RBKS: variants seen among roughly 807,000 people sequenced by gnomAD.
RBKS encodes ribokinase.
A neutral mutation model predicts 33.9 loss-of-function variants in RBKS; 33 were observed. That is an observed-to-expected ratio of 0.97 (90% CI 0.74 to 1.30). The LOEUF is 1.30. Among genes scored for constraint, RBKS ranks in the 50% most tolerant of loss-of-function variants. The pLI is 0.00. For synonymous variants in RBKS, 125 were observed against 143.0 expected (o/e 0.87, Z 0.90); for missense variants, 361 against 392.6 (o/e 0.92, Z 0.68).
At chr2:27,793,037 C>T (rs1310209760) in intron 7 of RBKS, among the ~76,000 whole-genome samples, 1 of 152,134 alleles carries the variant, frequency 6.6e-6, no homozygotes, top group Non-Finnish European at 1.5e-5. Context: ...GTTGACTCAT[C>T]CACAAAATGC....
intron 6 of RBKS, among the ~76,000 whole-genome samples, chr2:27,831,078 T>C (rs1248725490): frequency 3.7e-4 from 56 of 152,170 alleles, no homozygotes; most frequent in Admixed American, 3.7e-3. Flanking sequence ...AGCCTTTGCG[T>C]CTTCCAACTG....
At chr2:27,888,236 T>C (rs781304117) in intron 1 of RBKS, among the ~76,000 whole-genome samples, 15 of 152,112 alleles carry the variant, frequency 9.9e-5, no homozygotes, top group Non-Finnish European at 1.9e-4. Flanking sequence ...CAAGCAATTC[T>C]CCTGCCTCAG....
chr2:27,885,164 CAT>C (rs1664503257), intron 1 of RBKS, among the ~76,000 whole-genome samples: 1 of 152,114 alleles, frequency 6.6e-6, no homozygotes, highest in East Asian at 1.9e-4. Flanking sequence ...TCTGCGTTTT[CAT>C]AGAGGTCAAC....
At chr2:27,847,433 T>C (rs999979484) in intron 3 of RBKS, among the ~76,000 whole-genome samples, 1 of 152,236 alleles carries the variant, frequency 6.6e-6, no homozygotes, top group Non-Finnish European at 1.5e-5. Flanking sequence ...TTGAAAGGAA[T>C]GTCAGAGTTG....
chr2:27,836,033 C>G (rs11885959), intron 5 of RBKS, among the ~76,000 whole-genome samples: 51,636 of 151,600 alleles, frequency 0.34, 10,569 homozygotes, highest in East Asian at 0.63. Context: ...GGCCAACATG[C>G]TGAAACCCCG....
intron 1 of RBKS, chr2:27,889,892 C>T: frequency 4.6e-6 from 1 of 219,226 alleles, no homozygotes; most frequent in Non-Finnish European, 9.0e-6. Flanking sequence ...GGCACATTCT[C>T]GGAGGTAAAA....
chr2:27,855,371 G>T (rs1014491633), intron 2 of RBKS, among the ~76,000 whole-genome samples: 3 of 152,194 alleles, frequency 2.0e-5, no homozygotes, highest in Non-Finnish European at 4.4e-5. Flanking sequence ...GGTCATTTGG[G>T]TTCATACCTG....
chr2:27,789,949 G>GTGTA lies in RBKS; in HGVS notation c.796-8162_796-8161insTACA, dbSNP rs1553374159. On this transcript the variant is annotated intron_variant, in intron 7 of 7. Transcript: ENST00000302188. ...TGTATATATATATATATGTATATGTGTATATATATATATATATATATATGT... is the reference window on the plus strand; with the variant it reads ...TGTATATATATATATATGTATATGTGTGTATATATATATATATATATATATATGT... Among the ~76,000 whole-genome samples, 184 of 121,514 alleles carry GTGTA rather than the reference G, an allele frequency of 1.5e-3. 1 individual carries two copies. Among genetic ancestry groups the GTGTA allele is most frequent in the East Asian group, 6.9e-3 (29 of 4,186 alleles). 79.7% of individuals were successfully genotyped at this position (121,514 alleles called of 152,430 possible). A position where few individuals can be genotyped will look rare whatever the true frequency, so the allele number is the denominator to read the frequency against.
At chr2:27,782,573 C>G (rs545419369) in intron 7 of RBKS, 5 of 460,358 alleles carry the variant, frequency 1.1e-5, no homozygotes, top group Non-Finnish European at 2.3e-5. Context: ...TTCTTACAGG[C>G]TGTGGTTATG....
intron 1 of RBKS, among the ~76,000 whole-genome samples, chr2:27,875,526 C>G (rs1664295986): frequency 6.6e-6 from 1 of 152,196 alleles, no homozygotes; most frequent in Non-Finnish European, 1.5e-5. Flanking sequence ...GCATTCCGGC[C>G]TGGGTGACAG....
At chr2:27,843,408 A>C (rs1663556098) in intron 4 of RBKS, among the ~76,000 whole-genome samples, 177 bp from the exon 5 acceptor site, 1 of 152,212 alleles carries the variant, frequency 6.6e-6, no homozygotes, top group African/African-American at 2.4e-5. Context: ...TGTATCTTTT[A>C]TAATATCTCT....
chr2:27,798,891 C>T (rs1038168435), intron 7 of RBKS, among the ~76,000 whole-genome samples: 2 of 152,186 alleles, frequency 1.3e-5, no homozygotes, highest in Admixed American at 1.3e-4. Context: ...TATTTATTGC[C>T]TAGCACTATG....
In RBKS at chr2:27,872,076, G is replaced by A. The variant is rs6705654; in HGVS notation, c.90-13505C>T. Among the ~76,000 whole-genome samples the A allele has an allele frequency of 6.7e-3, 1,028 of 152,334 alleles. 11 individuals carry two copies. Among genetic ancestry groups the A allele is most frequent in the African/African-American group, 0.023 (975 of 41,574 alleles). ...TAGGAGGTAATGTGAGCAATGGGGA[G>A]TGGCTGTAAATACAGATGAAGCTTT... On this transcript the variant is annotated intron_variant, in intron 1 of 7. Coordinates refer to ENST00000302188, the MANE Select transcript of RBKS (RefSeq NM_022128.3).
chr2:27,786,610 G>A (rs980352690), intron 7 of RBKS, among the ~76,000 whole-genome samples: 3 of 152,064 alleles, frequency 2.0e-5, no homozygotes, highest in Admixed American at 6.6e-5. Context: ...GTGAAACCCC[G>A]TCTCTACGAA....
At chr2:27,800,445 C>T (rs1004388667) in intron 7 of RBKS, among the ~76,000 whole-genome samples, 5 of 152,104 alleles carry the variant, frequency 3.3e-5, no homozygotes, top group African/African-American at 7.2e-5. Flanking sequence ...GTTTATTTAT[C>T]TGTACAATGG....
At chr2:27,789,956 T>C (rs1187748532) in intron 7 of RBKS, among the ~76,000 whole-genome samples, 2 of 137,590 alleles carry the variant, frequency 1.5e-5, no homozygotes, top group African/African-American at 2.8e-5. Context: ...TGTGTATATA[T>C]ATATATATAT....
intron 7 of RBKS, among the ~76,000 whole-genome samples, chr2:27,817,707 G>A (rs558105369): frequency 6.6e-6 from 1 of 152,216 alleles, no homozygotes; most frequent in East Asian, 1.9e-4. Context: ...TTCAAGATCT[G>A]GCAGCTTCTG....
At chr2:27,840,364 G>GCA (rs70953891) in intron 5 of RBKS, among the ~76,000 whole-genome samples, 3,298 of 130,114 alleles carry the variant, frequency 0.025, 60 homozygotes, top group Non-Finnish European at 0.035. Context: ...ACGCGCGCGC[G>GCA]CACACACACA....
At chr2:27,853,374 A>C (rs1663789780) in intron 2 of RBKS, among the ~76,000 whole-genome samples, 1 of 150,142 alleles carries the variant, frequency 6.7e-6, no homozygotes, top group African/African-American at 2.5e-5. Context: ...AAAAAAAAAA[A>C]GGCCTTTGGG....
Sources: allele counts gnomAD v4.1 joint callset (sites outside exome capture counted in the v4.1 genomes callset), GRCh38; gene constraint gnomAD v4.1.1; transcripts MANE v1.5; gene names NCBI Gene and HGNC (gene_info 2026-07-23, HGNC 2026-07-21).